Variants in CDH13 observed in about 807,000 individuals in gnomAD.
CDH13 encodes cadherin-13.
Under a neutral mutation model 63.8 loss-of-function variants are expected in CDH13, and 24 were observed. The observed-to-expected ratio is 0.38, with a 90% CI of 0.27 to 0.53. CDH13 has a LOEUF of 0.53. CDH13 is among the 20% of genes least tolerant of loss of function. The pLI is 0.85. For synonymous variants in CDH13, 503 were observed against 355.3 expected (o/e 1.42, Z -4.67); for missense variants, 1,049 against 903.1 (o/e 1.16, Z -2.07).
At chr16:83,021,977 C>T (rs1000631877) in intron 2 of CDH13, among the ~76,000 whole-genome samples, 4 of 152,176 alleles carry the variant, frequency 2.6e-5, no homozygotes, top group Admixed American at 2.0e-4. Context: ...GCTTGAGTGA[C>T]TAGAATGCTG....
At chr16:82,982,985 C>T (rs1910478737) in intron 2 of CDH13, among the ~76,000 whole-genome samples, 1 of 152,134 alleles carries the variant, frequency 6.6e-6, no homozygotes, top group South Asian at 2.1e-4. Flanking sequence ...ATATGCCTCC[C>T]AGAGCCTCCA....
chr16:83,605,931 T>C (rs1395747225), intron 8 of CDH13, among the ~76,000 whole-genome samples: 1 of 152,142 alleles, frequency 6.6e-6, no homozygotes, highest in Non-Finnish European at 1.5e-5. Flanking sequence ...AATGCATCAC[T>C]ATGAGATCAG....
intron 3 of CDH13, among the ~76,000 whole-genome samples, chr16:83,124,963 C>G (rs2151643637): frequency 6.6e-6 from 1 of 152,282 alleles, no homozygotes; most frequent in African/African-American, 2.4e-5. Flanking sequence ...ATGCATCTAA[C>G]TTAGTTCTTT....
intron 10 of CDH13, among the ~76,000 whole-genome samples, chr16:83,681,585 C>T (rs1203691299): frequency 6.6e-6 from 1 of 152,148 alleles, no homozygotes; most frequent in East Asian, 1.9e-4. Context: ...CCCTCCTACC[C>T]ACCTTTCCCT....
Position 83,783,402 on chromosome 16 carries a change from C to G in CDH13, c.2064C>G (p.Asp688Glu), listed in dbSNP as rs1915665962. The change falls in exon 13 of 14, where the codon GAC becomes GAG. Residue 688 changes from aspartate (D) to glutamate (E), a missense_variant. By Grantham distance (45) the Asp-to-Glu change is conservative. Coordinates refer to ENST00000567109, the MANE Select transcript of CDH13 (RefSeq NM_001257.5). ...GCTCCTGCAGGAATTCCAAAGTGGA[C>G]TGCAACGCGGCAGGGGCCCTGCGCT... ...QVCSCRNSKV[D>E]CNAAGALRFS... 6.2e-7 allele frequency: 1 copy of G among 1,614,030 alleles called. No homozygotes were observed. Among genetic ancestry groups the G allele is most frequent in the Non-Finnish European group, 8.5e-7 (1 of 1,179,880 alleles).
intron 6 of CDH13, among the ~76,000 whole-genome samples, chr16:83,378,272 A>G (rs930091932): frequency 6.6e-6 from 1 of 152,168 alleles, no homozygotes; most frequent in Non-Finnish European, 1.5e-5. Context: ...TTGCCCTGAA[A>G]CACACAGACT....
intron 10 of CDH13, chr16:83,721,487 A>G (rs1016144851): frequency 6.6e-6 from 1 of 152,194 alleles, no homozygotes; most frequent in Non-Finnish European, 1.5e-5. Context: ...ACCCCAGAGG[A>G]GCAGTGCGCT....
At chr16:82,955,491 A>G (rs1905939200) in intron 2 of CDH13, among the ~76,000 whole-genome samples, 1 of 152,234 alleles carries the variant, frequency 6.6e-6, no homozygotes, top group Non-Finnish European at 1.5e-5. Flanking sequence ...TACTGGGTGT[A>G]GTGATGCATG....
At chr16:82,792,408 G>C (rs542622737) in intron 1 of CDH13, among the ~76,000 whole-genome samples, 19 of 152,002 alleles carry the variant, frequency 1.2e-4, no homozygotes, top group Non-Finnish European at 2.5e-4. Context: ...CTTAGCATCT[G>C]ATAAAAAAAA....
intron 1 of CDH13, among the ~76,000 whole-genome samples, chr16:82,671,172 T>G (rs766552450): frequency 1.3e-5 from 2 of 152,166 alleles, no homozygotes; most frequent in African/African-American, 2.4e-5. Context: ...CTTTAAGTAC[T>G]AAAATAAATT....
At chr16:83,174,375 G>T (rs1450808186) in intron 4 of CDH13, among the ~76,000 whole-genome samples, 1 of 151,746 alleles carries the variant, frequency 6.6e-6, no homozygotes, top group Non-Finnish European at 1.5e-5. Flanking sequence ...AGATTAATTT[G>T]TCTTTCCAAT....
intron 2 of CDH13, among the ~76,000 whole-genome samples, chr16:82,957,231 A>G (rs971820013): frequency 1.3e-5 from 2 of 152,180 alleles, no homozygotes; most frequent in East Asian, 1.9e-4. Flanking sequence ...GCTGTTGACC[A>G]TATGACTAAA....
intron 1 of CDH13, among the ~76,000 whole-genome samples, chr16:82,698,733 G>C (rs2030636878): frequency 1.3e-5 from 2 of 152,306 alleles, no homozygotes; most frequent in South Asian, 2.1e-4. Context: ...GCACAGGGGG[G>C]CGTGAAGAAT....
intron 2 of CDH13, among the ~76,000 whole-genome samples, chr16:83,014,743 A>AATATATATAT (rs71146101): frequency 2.1e-4 from 7 of 33,226 alleles, no homozygotes; most frequent in Non-Finnish European, 2.7e-4. Flanking sequence ...AAAAAAAAAA[A>AATATATATAT]ATATATATAT....
chr16:82,886,770 A>G (rs1292488730), intron 2 of CDH13, among the ~76,000 whole-genome samples: 2 of 152,132 alleles, frequency 1.3e-5, no homozygotes, highest in African/African-American at 2.4e-5. Flanking sequence ...ACCATGTTTA[A>G]CCAAGTGCTG....
intron 11 of CDH13, among the ~76,000 whole-genome samples, chr16:83,765,800 T>C (rs1394660523): frequency 6.6e-6 from 1 of 152,162 alleles, no homozygotes; most frequent in Non-Finnish European, 1.5e-5. Flanking sequence ...TTTCTATTTT[T>C]ATCTTAAACA....
intron 2 of CDH13, among the ~76,000 whole-genome samples, chr16:82,944,722 A>G (rs542378720): frequency 1.3e-5 from 2 of 152,264 alleles, no homozygotes; most frequent in South Asian, 2.1e-4. Context: ...CTAAAACAAC[A>G]CATATTTCTT....
intron 10 of CDH13, among the ~76,000 whole-genome samples, chr16:83,681,076 C>T (rs926985109): frequency 6.6e-6 from 1 of 152,032 alleles, no homozygotes; most frequent in South Asian, 2.1e-4. Context: ...ACAAGCACAA[C>T]TCTCTGAACC....
intron 2 of CDH13, chr16:82,884,383 T>G: frequency 2.9e-6 from 1 of 348,144 alleles, no homozygotes; most frequent in Non-Finnish European, 5.6e-6. Flanking sequence ...AGCTGACAAG[T>G]AACAAAATGA....
Sources: gnomAD v4.1 joint callset for allele counts (sites outside exome capture counted in the v4.1 genomes callset) on GRCh38, gnomAD v4.1.1 for gene constraint, MANE v1.5 for transcripts, NCBI Gene and HGNC (gene_info 2026-07-23, HGNC 2026-07-21) for gene names.